GRIN2A: variants seen among roughly 807,000 people sequenced by gnomAD.
GRIN2A encodes the protein glutamate receptor ionotropic, NMDA 2A.
In GRIN2A, 22 loss-of-function variants were observed where a neutral mutation model predicts 113.4. The ratio of observed to expected loss-of-function variants is 0.19; its 90% CI spans 0.14 to 0.28. The LOEUF is 0.28. Ranked by LOEUF, GRIN2A falls within the 10% of genes least tolerant of loss-of-function variation. GRIN2A has a pLI of 1.00. For synonymous variants in GRIN2A, 827 were observed against 738.4 expected (o/e 1.12, Z -1.94); for missense variants, 1,502 against 1,887.0 (o/e 0.80, Z 3.78).
In GRIN2A at chr16:9,765,098, T is replaced by TA. The variant is rs1596378124; in HGVS notation, c.2596-151_2596-150insT. On this transcript the variant is annotated intron_variant, in intron 12 of 12. Coordinates refer to ENST00000330684, the MANE Select transcript of GRIN2A (RefSeq NM_001134407.3). ...AAATTCAGTCTGAATCCTGATAATG[T>TA]CTCTTAAAGGTATGAGACAAGTTGC... The TA allele has an allele frequency of 8.3e-6, 8 of 969,276 alleles. No individual in the cohort carries two copies. In the East Asian group the frequency reaches 2.0e-4, roughly 24 times the overall value. The allele number at this position is 969,276 out of a possible 1,614,324, so 60.0% of individuals were successfully genotyped here.
chr16:9,762,343 G>C lies in GRIN2A; in HGVS notation c.*806C>G, dbSNP rs1900621689. Reference sequence around the variant, plus strand: ...GTCACAGACAGAAGATCCACACTTAGATCTCGGAGACATAAATGTGTTAGT... The same window carrying C: ...GTCACAGACAGAAGATCCACACTTACATCTCGGAGACATAAATGTGTTAGT... On this transcript the variant is annotated 3_prime_UTR_variant, in exon 13 of 13. Transcript: ENST00000330684. The C allele has an allele frequency of 4.4e-6, 1 of 226,902 alleles. No homozygotes were observed. The highest frequency in any genetic ancestry group is 2.2e-5 in the African/African-American group (1 of 45,058). 14.1% of individuals were successfully genotyped at this position (226,902 alleles called of 1,614,324 possible). A position where few individuals can be genotyped will look rare whatever the true frequency, so the allele number is the denominator to read the frequency against.
chr16:9,992,947 G>A (rs1193439228), intron 2 of GRIN2A, among the ~76,000 whole-genome samples: 1 of 152,144 alleles, frequency 6.6e-6, no homozygotes, highest in African/African-American at 2.4e-5. Flanking sequence ...CGGTGGCGGT[G>A]GCTCACGCCT....
chr16:9,794,003 G>A (rs539653418), intron 11 of GRIN2A, among the ~76,000 whole-genome samples: 4 of 152,308 alleles, frequency 2.6e-5, no homozygotes, highest in African/African-American at 7.2e-5. Context: ...CAGTGCCTAC[G>A]AAAACATCTG....
intron 2 of GRIN2A, among the ~76,000 whole-genome samples, chr16:9,993,216 C>T (rs1354264406): frequency 1.3e-5 from 2 of 151,852 alleles, no homozygotes; most frequent in African/African-American, 4.8e-5. Context: ...CTCGGCTACA[C>T]AGCAAGACTC....
rs1235760049 is a variant in GRIN2A, at chr16:9,763,024, A to G, written c.*125T>C. The G allele has an allele frequency of 1.0e-6, 1 of 969,448 alleles. No homozygotes were observed. The highest frequency in any genetic ancestry group is 1.6e-6 in the Non-Finnish European group (1 of 639,380). The allele number at this position is 969,448 out of a possible 1,614,324, so 60.1% of individuals were successfully genotyped here. On this transcript the variant is annotated 3_prime_UTR_variant, in exon 13 of 13. Transcript: ENST00000330684. ...GTGTGCAAAAGAGCCAACAACAACA[A>G]CAACAAAATACCTCCCTACATCTTC... is the stretch of plus-strand genomic sequence containing the variant.
At chr16:9,903,171 G>C (rs1483213724) in intron 3 of GRIN2A, among the ~76,000 whole-genome samples, 1 of 151,902 alleles carries the variant, frequency 6.6e-6, no homozygotes, top group Non-Finnish European at 1.5e-5. Context: ...GGGTTTCACT[G>C]TGTTAGCCAG....
intron 2 of GRIN2A, among the ~76,000 whole-genome samples, chr16:10,007,602 G>A (rs762014869): frequency 1.3e-4 from 20 of 152,012 alleles, no homozygotes; most frequent in South Asian, 2.1e-4. Flanking sequence ...TTTCTTGACC[G>A]TTTGCTGTGC....
intron 2 of GRIN2A, among the ~76,000 whole-genome samples, chr16:10,141,577 G>C (rs2049327587): frequency 6.6e-6 from 1 of 152,178 alleles, no homozygotes; most frequent in Admixed American, 6.5e-5. Flanking sequence ...AATGACACCT[G>C]GATCTAGCCA....
At chr16:10,078,709 T>A (rs1376521747) in intron 2 of GRIN2A, among the ~76,000 whole-genome samples, 1 of 152,066 alleles carries the variant, frequency 6.6e-6, no homozygotes, top group Non-Finnish European at 1.5e-5. Context: ...CTGCAGCAGC[T>A]GCAGTGAAAC....
intron 2 of GRIN2A, among the ~76,000 whole-genome samples, chr16:9,997,522 G>A (rs1473645639): frequency 6.6e-6 from 1 of 152,070 alleles, no homozygotes; most frequent in Non-Finnish European, 1.5e-5. Flanking sequence ...AACATTAAGA[G>A]ACAAAGCTAA....
chr16:10,165,489 T>C (rs535093803), intron 2 of GRIN2A, among the ~76,000 whole-genome samples: 1 of 142,034 alleles, frequency 7.0e-6, no homozygotes, highest in East Asian at 2.1e-4. Flanking sequence ...CTTAAAGTTC[T>C]TATATTTTTG....
At chr16:10,145,472 C>G (rs985125533) in intron 2 of GRIN2A, among the ~76,000 whole-genome samples, 1 of 151,466 alleles carries the variant, frequency 6.6e-6, no homozygotes, top group East Asian at 1.9e-4. Context: ...ATTAAACACA[C>G]GCAGTTTTTA....
intron 5 of GRIN2A, among the ~76,000 whole-genome samples, chr16:9,844,056 A>G (rs2042729050): frequency 6.6e-6 from 1 of 151,936 alleles, no homozygotes; most frequent in South Asian, 2.1e-4. Context: ...CATTTGTATC[A>G]CCTTCATTCT....
intron 2 of GRIN2A, among the ~76,000 whole-genome samples, chr16:9,949,498 AGATG>A (rs2045116822): frequency 6.6e-6 from 1 of 151,210 alleles, no homozygotes; most frequent in Non-Finnish European, 1.5e-5. Context: ...TGGATAGGGT[AGATG>A]GATGGATGAC....
Position 9,763,773 on chromosome 16 carries a change from T to C in GRIN2A, c.3771A>G (p.Thr1257=), listed in dbSNP as rs1471152969. The C allele has an allele frequency of 1.2e-6, 2 of 1,614,172 alleles. No homozygotes were observed. Among genetic ancestry groups the C allele is most frequent in the Non-Finnish European group, 8.5e-7 (1 of 1,180,022 alleles). Residue 1257 remains threonine (T), a synonymous_variant, in exon 13 of 13, where the codon ACA becomes ACG. Coordinates refer to ENST00000330684, the MANE Select transcript of GRIN2A (RefSeq NM_001134407.3). ...CCTGCTCCCCGGTGGCTGGGTTACC[T>C]GTCTCCTGAAGCATCTGGTCTTCAT... The part of the protein sequence containing the change: ...DIDEDQMLQE[T]GNPATGEQVY...
intron 4 of GRIN2A, among the ~76,000 whole-genome samples, chr16:9,857,615 A>G (rs983657805): frequency 1.3e-5 from 2 of 152,208 alleles, no homozygotes; most frequent in Admixed American, 6.5e-5. Flanking sequence ...CCACTTGGGC[A>G]AATTTCTTAA....
chr16:10,040,826 G>C (rs1234414176), intron 2 of GRIN2A, among the ~76,000 whole-genome samples: 2 of 152,234 alleles, frequency 1.3e-5, no homozygotes, highest in African/African-American at 2.4e-5. Flanking sequence ...CTGGAGGCTG[G>C]AGGCAGCTGT....
chr16:9,993,167 A>G (rs937487338), intron 2 of GRIN2A, among the ~76,000 whole-genome samples: 1 of 152,182 alleles, frequency 6.6e-6, no homozygotes, highest in African/African-American at 2.4e-5. Context: ...CTAGAGGCAG[A>G]GGTTGCAGTG....
intron 11 of GRIN2A, chr16:9,794,860 C>T (rs952481182): frequency 6.6e-6 from 1 of 152,128 alleles, no homozygotes; most frequent in African/African-American, 2.4e-5. Flanking sequence ...ATTGCCAGTG[C>T]AACACTAAAG....
Sources: gnomAD v4.1 joint callset for allele counts (sites outside exome capture counted in the v4.1 genomes callset) on GRCh38, gnomAD v4.1.1 for gene constraint, MANE v1.5 for transcripts, NCBI Gene and HGNC (gene_info 2026-07-23, HGNC 2026-07-21) for gene names.